Variants in GRM7 observed in about 807,000 individuals in gnomAD.
GRM7 encodes glutamate metabotropic receptor 7, also known as metabotropic glutamate receptor 7.
In GRM7, 35 loss-of-function variants were observed where a neutral mutation model predicts 84.5. The observed-to-expected ratio is 0.41, with a 90% CI of 0.32 to 0.55. The LOEUF is 0.55. Among genes scored for constraint, GRM7 ranks in the 20% least tolerant of loss-of-function variants. The pLI is 0.19. For missense variants in GRM7, 1,003 were observed against 1,194.6 expected (o/e 0.84, Z 2.36); for synonymous variants, 487 against 455.1 (o/e 1.07, Z -0.89).
chr3:7,289,424 T>A (rs1699541286), intron 2 of GRM7, among the ~76,000 whole-genome samples: 1 of 152,148 alleles, frequency 6.6e-6, no homozygotes, highest in Non-Finnish European at 1.5e-5. Flanking sequence ...AGTAAACTGG[T>A]TCAACCATTG....
At chr3:7,390,453 T>C (rs898885671) in intron 4 of GRM7, among the ~76,000 whole-genome samples, 1 of 152,146 alleles carries the variant, frequency 6.6e-6, no homozygotes, top group African/African-American at 2.4e-5. Flanking sequence ...CTAAGTTGTT[T>C]CTTTTCTCAT....
At chr3:7,679,090 G>C (rs868165441) in intron 8 of GRM7, among the ~76,000 whole-genome samples, 1 of 152,308 alleles carries the variant, frequency 6.6e-6, no homozygotes, top group Middle Eastern at 3.4e-3. Flanking sequence ...TCCTTTGAGA[G>C]TGTATCAGTA....
chr3:7,720,439 C>T (rs191422674), intron 9 of GRM7, among the ~76,000 whole-genome samples: 9 of 152,246 alleles, frequency 5.9e-5, no homozygotes, highest in African/African-American at 1.7e-4. Context: ...TGTTTCAAAG[C>T]GTGTCCTGCA....
intron 5 of GRM7, among the ~76,000 whole-genome samples, chr3:7,448,388 T>A (rs1697619566): frequency 6.6e-6 from 1 of 152,170 alleles, no homozygotes; most frequent in South Asian, 2.1e-4. Flanking sequence ...ATCCTATCCC[T>A]TGTTCCTAAA....
intron 2 of GRM7, among the ~76,000 whole-genome samples, chr3:7,159,780 T>C (rs1297008336): frequency 6.6e-6 from 1 of 152,176 alleles, no homozygotes. Flanking sequence ...TCTAGTCTGG[T>C]ACCTTTAAAC....
intron 4 of GRM7, among the ~76,000 whole-genome samples, chr3:7,322,572 C>G (rs1700825514): frequency 6.6e-6 from 1 of 151,840 alleles, no homozygotes; most frequent in South Asian, 2.1e-4. Flanking sequence ...TTCCCCCACC[C>G]CAGTCCCCAA....
chr3:7,578,588 A>G lies in GRM7; in HGVS notation c.1682A>G (p.Gln561Arg). 1 of 1,614,140 alleles carries G rather than the reference A, an allele frequency of 6.2e-7. No homozygotes were observed. Among genetic ancestry groups the G allele is most frequent in the Non-Finnish European group, 8.5e-7 (1 of 1,180,002 alleles). ...YQYQFDEMTCQHCPYDQRPNE... is the reference protein window; with the variant it reads ...YQYQFDEMTCRHCPYDQRPNE... ...TACCAGTTTGATGAGATGACATGCC[A>G]GCATTGCCCCTATGACCAGAGGCCC... The change falls in exon 8 of 10, where the codon CAG (glutamine) becomes CGG (arginine). Residue 561 changes from glutamine to arginine, a missense_variant. Transcript: ENST00000357716.
chr3:7,139,098 CTATAA>C lies in GRM7; in HGVS notation c.520-7344_520-7340del, dbSNP rs1322041393. On this transcript the variant is annotated intron_variant, in intron 1 of 9. Transcript: ENST00000357716. The stretch of plus-strand genomic sequence containing the variant: ...ATTATATAATGTACTATATTATACT[CTATAA>C]TATAATATACTATATATTATACTAT... Among the ~76,000 whole-genome samples the C allele has an allele frequency of 5.0e-4, 73 of 146,838 alleles. No individual in the cohort carries two copies. The Middle Eastern group carries it at 0.014, about 29-fold the overall frequency.
intron 1 of GRM7, among the ~76,000 whole-genome samples, chr3:7,080,220 A>G (rs1310319219): frequency 6.6e-6 from 1 of 152,028 alleles, no homozygotes; most frequent in Non-Finnish European, 1.5e-5. Flanking sequence ...AGTTTCAGGG[A>G]CTTTTTCCAA....
At chr3:7,000,456 G>A (rs1201405993) in intron 1 of GRM7, among the ~76,000 whole-genome samples, 1 of 151,892 alleles carries the variant, frequency 6.6e-6, no homozygotes, top group African/African-American at 2.4e-5. Flanking sequence ...CAAAGTGCTG[G>A]GATTACAGGC....
At chr3:6,923,152 C>T (rs1027871394) in intron 1 of GRM7, among the ~76,000 whole-genome samples, 2 of 151,948 alleles carry the variant, frequency 1.3e-5, no homozygotes, top group Non-Finnish European at 2.9e-5. Flanking sequence ...GTAGCTGGGA[C>T]TACTGGTGTG....
intron 2 of GRM7, among the ~76,000 whole-genome samples, chr3:7,181,684 C>A (rs979044678): frequency 6.6e-6 from 1 of 152,102 alleles, no homozygotes; most frequent in African/African-American, 2.4e-5. Context: ...TCTTGGCTCA[C>A]TGCAGCCCTG....
chr3:7,674,066 A>G (rs1700036628), intron 8 of GRM7, among the ~76,000 whole-genome samples: 2 of 152,216 alleles, frequency 1.3e-5, no homozygotes, highest in African/African-American at 4.8e-5. Context: ...ATTGAGCATC[A>G]AATATAACAA....
intron 1 of GRM7, among the ~76,000 whole-genome samples, chr3:7,021,242 A>G (rs766590198): frequency 8.5e-5 from 13 of 152,204 alleles, no homozygotes; most frequent in Non-Finnish European, 1.3e-4. Context: ...TGACTCAAGT[A>G]TGTGATCCTG....
chr3:7,401,695 A>G (rs1474906246), intron 4 of GRM7, among the ~76,000 whole-genome samples: 4 of 152,214 alleles, frequency 2.6e-5, no homozygotes. Flanking sequence ...ATTCAGAGTC[A>G]GGAATGTTTG....
At chr3:7,025,798 A>G (rs924000077) in intron 1 of GRM7, among the ~76,000 whole-genome samples, 5 of 152,212 alleles carry the variant, frequency 3.3e-5, no homozygotes, top group South Asian at 2.1e-4. Context: ...AGTGACCACA[A>G]TTGAGAGAAT....
chr3:7,199,637 A>T (rs1695997908), intron 2 of GRM7, among the ~76,000 whole-genome samples: 1 of 152,176 alleles, frequency 6.6e-6, no homozygotes, highest in African/African-American at 2.4e-5. Context: ...AGAGGCTTCC[A>T]CTGGCATCTA....
intron 1 of GRM7, among the ~76,000 whole-genome samples, chr3:7,064,230 G>A (rs1428614378): frequency 6.7e-6 from 1 of 150,042 alleles, no homozygotes; most frequent in African/African-American, 2.4e-5. Flanking sequence ...TTTATCGCTT[G>A]CCCCTTCCCA....
chr3:7,148,067 A>G (rs944452606), intron 2 of GRM7, among the ~76,000 whole-genome samples: 2 of 152,168 alleles, frequency 1.3e-5, no homozygotes, highest in Admixed American at 1.3e-4. Flanking sequence ...AATTTAGGCT[A>G]CAATTCAGTT....
Sources: gnomAD v4.1 joint callset for allele counts (sites outside exome capture counted in the v4.1 genomes callset) on GRCh38, gnomAD v4.1.1 for gene constraint, MANE v1.5 for transcripts, NCBI Gene and HGNC (gene_info 2026-07-23, HGNC 2026-07-21) for gene names.